The following LITAF variants were observed in gnomAD, a reference collection of about 807,000 sequenced individuals.
The protein encoded by LITAF is lipopolysaccharide induced TNF factor, also known as lipopolysaccharide-induced tumor necrosis factor-alpha factor.
In LITAF, 9 loss-of-function variants were observed where a neutral mutation model predicts 14.5. That is an observed-to-expected ratio of 0.62 (90% CI 0.37 to 1.08). The LOEUF (loss-of-function observed/expected upper bound fraction) is 1.08. Among genes scored for constraint, LITAF ranks in the 50% least tolerant of loss-of-function variants. The pLI is 0.01. For synonymous variants in LITAF, 98 were observed against 88.2 expected (o/e 1.11, Z -0.62); for missense variants, 206 against 213.4 (o/e 0.97, Z 0.22).
intron 3 of LITAF, among the ~76,000 whole-genome samples, chr16:11,628,211 T>C (rs933039510): frequency 6.6e-5 from 10 of 152,114 alleles, no homozygotes; most frequent in South Asian, 4.1e-4. Context: ...CCAACAGCCA[T>C]GACTCATCCC....
At chr16:11,619,148 T>TTC (rs2065035042) in intron 3 of LITAF, among the ~76,000 whole-genome samples, 2 of 151,630 alleles carry the variant, frequency 1.3e-5, no homozygotes, top group African/African-American at 4.8e-5. Flanking sequence ...CCTTCTCTAC[T>TTC]AAAAATACAA....
Position 11,549,523 on chromosome 16 carries a change from G to A in LITAF, c.*114C>T, listed in dbSNP as rs750026699. 72 of 765,774 alleles carry A rather than the reference G, an allele frequency of 9.4e-5. 2 individuals are homozygous for A. The South Asian group carries it at 1.0e-3, about 11-fold the overall frequency. 47.4% of individuals were successfully genotyped at this position (765,774 alleles called of 1,614,324 possible). ...TCCCCCCAAAAGAAGACATGAAGGTGGGCCCCCTGGAGAGGTGAGACCACC... is the reference window on the plus strand; with the variant it reads ...TCCCCCCAAAAGAAGACATGAAGGTAGGCCCCCTGGAGAGGTGAGACCACC... On this transcript the variant is annotated 3_prime_UTR_variant, in exon 4 of 4. Transcript: ENST00000622633. This position sits in a 1 kb window ranked among gnomAD's most constrained non-coding sequence, Gnocchi z 4.6.
rs780607233 is a variant in LITAF, at chr16:11,553,797, G to C, written c.221-108C>G. 204 of 1,275,200 alleles carry C rather than the reference G, an allele frequency of 1.6e-4. No homozygotes were observed. The highest frequency in any genetic ancestry group is 2.2e-4 in the Non-Finnish European group (193 of 896,650). 79.0% of individuals were successfully genotyped at this position (1,275,200 alleles called of 1,614,324 possible). ...AGGGATGCCAGCAAATATTATATTT[G>C]TACATTTGTGTTCATAGCATGCGTT... is the stretch of plus-strand genomic sequence containing the variant. On this transcript the variant is annotated intron_variant, in intron 2 of 3. Coordinates refer to ENST00000622633, the MANE Select transcript of LITAF (RefSeq NM_001136472.2). The surrounding 1 kb of genome is among the most constrained non-coding windows in gnomAD (Gnocchi z 7.7).
At position 11,556,704 on chromosome 16, in the gene LITAF, CGCCTGG is replaced by C; in HGVS notation, c.21_26del (p.Tyr7_Ala9delinsTer). On this transcript the variant is annotated stop_gained and inframe_deletion, in exon 2 of 4. Transcript: ENST00000622633. LOFTEE classifies it high-confidence loss of function. ...ATGGTGCTGAGGAAGGCCCAGTGGC[CGCCTGG>C]TAAGGTCCTGGAACCGACATTTTAC... 1 of 1,614,138 alleles carries C rather than the reference CGCCTGG, an allele frequency of 6.2e-7. No individual in the cohort carries two copies. The highest frequency in any genetic ancestry group is 1.3e-5 in the African/African-American group (1 of 75,018).
intron 3 of LITAF, among the ~76,000 whole-genome samples, chr16:11,622,030 A>T (rs2065054043): frequency 6.6e-6 from 1 of 152,164 alleles, no homozygotes; most frequent in South Asian, 2.1e-4. Context: ...ACAAAATGAA[A>T]CAAAACACGT....
intron 1 of LITAF, among the ~76,000 whole-genome samples, chr16:11,563,609 A>C (rs564426972): frequency 3.3e-4 from 50 of 152,206 alleles, no homozygotes; most frequent in Admixed American, 2.9e-3. Context: ...GCCATGCAAA[A>C]AATACCTGCC....
chr16:11,551,554 T>C (rs1260904821), intron 3 of LITAF, among the ~76,000 whole-genome samples: 2 of 152,194 alleles, frequency 1.3e-5, no homozygotes, highest in African/African-American at 4.8e-5. Context: ...TGTAAGTTTC[T>C]ATTCCTCTAT....
intron 3 of LITAF, among the ~76,000 whole-genome samples, chr16:11,604,648 A>G (rs1237742314): frequency 9.9e-5 from 5 of 50,266 alleles, no homozygotes; most frequent in African/African-American, 2.5e-4. Flanking sequence ...CTCTCTTAAA[A>G]AAAAAAAAAA....
upstream of LITAF, among the ~76,000 whole-genome samples, chr16:11,599,750 C>T (rs1213266359): frequency 1.3e-5 from 2 of 152,142 alleles, no homozygotes; most frequent in East Asian, 3.9e-4. Context: ...TCTGCTCACT[C>T]CACTCCAGCC....
At chr16:11,551,368 C>T (rs1597326762) in intron 3 of LITAF, among the ~76,000 whole-genome samples, 1 of 152,126 alleles carries the variant, frequency 6.6e-6, no homozygotes, top group African/African-American at 2.4e-5. Flanking sequence ...GCCCCGCACC[C>T]CCGTCTACAG....
At chr16:11,607,030 G>C (rs2064958549) in intron 3 of LITAF, among the ~76,000 whole-genome samples, 1 of 152,178 alleles carries the variant, frequency 6.6e-6, no homozygotes, top group Non-Finnish European at 1.5e-5. Context: ...AGAGCTTTCA[G>C]GAATGGCCCA....
rs1327589250 is a variant in LITAF at position 11,605,227 on chromosome 16, G to A, written c.85+28306C>T. Among the ~76,000 whole-genome samples the A allele has an allele frequency of 2.0e-5, 3 of 152,128 alleles. No individual in the cohort carries two copies. The highest frequency in any genetic ancestry group is 3.9e-4 in the East Asian group (2 of 5,192). ...CTGGATGGAGGATGAGCTGAATTAC[G>A]CACCGTGGACTTCACCAGTGGGGCT... On this transcript the variant is annotated intron_variant, in intron 3 of 3. Coordinates refer to the LITAF transcript ENST00000574848. This position sits in a 1 kb window ranked among gnomAD's most constrained non-coding sequence, Gnocchi z 4.7.
At chr16:11,610,786 C>G (rs1043397810) in intron 3 of LITAF, among the ~76,000 whole-genome samples, 3 of 152,152 alleles carry the variant, frequency 2.0e-5, no homozygotes, top group African/African-American at 7.2e-5. Context: ...GACAACCATT[C>G]AAGGCAACCT....
intron 3 of LITAF, among the ~76,000 whole-genome samples, chr16:11,550,846 A>G (rs2064171664): frequency 6.6e-6 from 1 of 152,104 alleles, no homozygotes; most frequent in South Asian, 2.1e-4. Context: ...CAACTGCTCA[A>G]CTCTGCCCTT....
At chr16:11,589,324 T>A (rs1015178307), upstream of LITAF, among the ~76,000 whole-genome samples, 2 of 152,198 alleles carry the variant, frequency 1.3e-5, no homozygotes, top group Non-Finnish European at 1.5e-5. Context: ...ATCCCAGAGC[T>A]AATGACACAC....
At position 11,553,718 on chromosome 16, in the gene LITAF, G is replaced by T. The variant is rs745983457; in HGVS notation, c.221-29C>A. The T allele has an allele frequency of 3.1e-6, 5 of 1,613,532 alleles. No homozygotes were observed. Among genetic ancestry groups the T allele is most frequent in the Admixed American group, 3.3e-5 (2 of 59,918 alleles). On this transcript the variant is annotated intron_variant, in intron 2 of 3. Coordinates refer to ENST00000622633, the MANE Select transcript of LITAF (RefSeq NM_001136472.2). This position sits in a 1 kb window ranked among gnomAD's most constrained non-coding sequence, Gnocchi z 7.7. ...ATGAAAGGGAGAGGGACAAACACAG[G>T]TTGCTCAGGAAACAAGGCCAATAGC...
intron 1 of LITAF, among the ~76,000 whole-genome samples, chr16:11,570,577 A>T (rs902572126): frequency 6.6e-6 from 1 of 152,210 alleles, no homozygotes. Context: ...AGCTCTGAAT[A>T]TGTGACCTTA....
chr16:11,574,987 G>C (rs1451206824), intron 1 of LITAF, among the ~76,000 whole-genome samples: 1 of 152,080 alleles, frequency 6.6e-6, no homozygotes, highest in Non-Finnish European at 1.5e-5. Flanking sequence ...ATTTTTAGTA[G>C]AGACAGGGTT....
At chr16:11,594,571 C>T (rs1249276141) in intron 1 of LITAF, among the ~76,000 whole-genome samples, 2 of 152,044 alleles carry the variant, frequency 1.3e-5, no homozygotes, top group Non-Finnish European at 2.9e-5. Context: ...GAAAAGGTTT[C>T]CAAGGAAAAA....
Sources: allele counts gnomAD v4.1 joint callset (sites outside exome capture counted in the v4.1 genomes callset), GRCh38; gene constraint gnomAD v4.1.1; non-coding constraint Gnocchi (gnomAD v3.1); transcripts MANE v1.5; gene names NCBI Gene and HGNC (gene_info 2026-07-23, HGNC 2026-07-21).